Variants in ITPR1 observed in about 807,000 individuals in gnomAD.
The protein encoded by ITPR1 is inositol 1,4,5-trisphosphate-gated calcium channel ITPR1.
Under a neutral mutation model 318.4 loss-of-function variants are expected in ITPR1, and 96 were observed. That is an observed-to-expected ratio of 0.30 (90% confidence interval 0.26 to 0.36). ITPR1 has a LOEUF of 0.36. Among genes scored for constraint, ITPR1 ranks in the 10% least tolerant of loss-of-function variants. The pLI, the probability that ITPR1 is intolerant of heterozygous loss-of-function variation, is 1.00. For synonymous variants in ITPR1, 1,312 were observed against 1,289.9 expected, an observed-to-expected ratio of 1.02 and a Z score of -0.37; for missense variants, 2,440 against 3,460.2, an observed-to-expected ratio of 0.71 and a Z score of 7.40.
At chr3:4,505,558 G>A (rs80305432) in intron 2 of ITPR1, among the ~76,000 whole-genome samples, 230 of 152,348 alleles carry the variant, frequency 1.5e-3, no homozygotes, top group African/African-American at 5.4e-3. Flanking sequence ...ACCAAAGGAC[G>A]TTGGCAAGGG....
intron 1 of ITPR1, among the ~76,000 whole-genome samples, chr3:4,494,117 A>C (rs898294317): frequency 2.0e-5 from 3 of 152,218 alleles, no homozygotes; most frequent in African/African-American, 7.2e-5. Flanking sequence ...CGGGCTTCGG[A>C]TACTTGGCCT....
intron 31 of ITPR1, 130 bp downstream of exon 31, chr3:4,688,750 A>G: frequency 2.3e-6 from 2 of 852,612 alleles, no homozygotes; most frequent in East Asian, 2.7e-5. Context: ...CCAAAGGGGA[A>G]CATTTTCATC....
chr3:4,593,553 C>T (rs1284275593), intron 4 of ITPR1, among the ~76,000 whole-genome samples: 3 of 152,128 alleles, frequency 2.0e-5, no homozygotes, highest in African/African-American at 7.2e-5. Flanking sequence ...TTAGAAGCCT[C>T]AAATTTGATT....
intron 26 of ITPR1, among the ~76,000 whole-genome samples, chr3:4,683,118 A>G (rs975467702): frequency 6.6e-6 from 1 of 152,238 alleles, no homozygotes; most frequent in Non-Finnish European, 1.5e-5. Flanking sequence ...CACCCTATGT[A>G]GATGTTGAGA....
In ITPR1 at chr3:4,766,532, CT is replaced by C; in HGVS notation, c.5548del (p.Ser1850ProfsTer6). 6.2e-7 allele frequency: 1 copy of C among 1,613,464 alleles called. No individual in the cohort carries two copies. Among genetic ancestry groups the C allele is most frequent in the Non-Finnish European group, 8.5e-7 (1 of 1,179,492 alleles). ...AATCTATGGATTTTCCTTTGCAGCA[CT>C]CCTTTTTCTGTCGCTTGACAGAAGA... Reference protein sequence around the residue: ...LEGGNTTIQHSFFCRLTEDKK... With the variant: ...LEGGNTTIQHXFFCRLTEDKK... On this transcript the variant is annotated frameshift_variant, in exon 45 of 62. Transcript: ENST00000649015. LOFTEE classifies it high-confidence loss of function.
chr3:4,603,390 C>T lies in ITPR1; in HGVS notation c.164-24373C>T, dbSNP rs140254008. 9.2e-3 allele frequency among the ~76,000 whole-genome samples: 1,390 copies of T among 151,742 alleles called. 15 individuals carry two copies. Among genetic ancestry groups the T allele is most frequent in the Middle Eastern group, 0.041 (12 of 294 alleles). ...GTTTTTCAGCCCTCACTCCCTGGTC[C>T]ATATGTACCACATTTTCTTTTCTTT... On this transcript the variant is annotated intron_variant, in intron 4 of 61. Transcript: ENST00000649015.
rs141851114 is a variant in ITPR1 at position 4,505,015 on chromosome 3, C to T, written c.-17+10509C>T. ...TCATGGTTTGCCAGGCTCGGCCCAT[C>T]GTTAACCTGCCCTGCTGGGTGCTGC... On this transcript the variant is annotated intron_variant, in intron 2 of 61. Transcript: ENST00000649015. 1.4e-4 allele frequency among the ~76,000 whole-genome samples: 21 copies of T among 151,274 alleles called. No individual in the cohort carries two copies. The East Asian group carries it at 3.1e-3, about 22-fold the overall frequency.
chr3:4,510,789 T>A (rs550428586), intron 2 of ITPR1, among the ~76,000 whole-genome samples: 1 of 152,272 alleles, frequency 6.6e-6, no homozygotes, highest in Admixed American at 6.5e-5. Context: ...TAACTTCATC[T>A]GAGGGGATGG....
chr3:4,828,491 G>C (rs1272963345), intron 60 of ITPR1, among the ~76,000 whole-genome samples: 1 of 152,102 alleles, frequency 6.6e-6, no homozygotes, highest in African/African-American at 2.4e-5. Context: ...CGGGTGGCCG[G>C]CCCCACCTTT....
intron 28 of ITPR1, among the ~76,000 whole-genome samples, 183 bp from the exon 29 acceptor site, chr3:4,684,098 A>G (rs2094348413): frequency 6.6e-6 from 1 of 152,248 alleles, no homozygotes; most frequent in Non-Finnish European, 1.5e-5. Context: ...GGCCCAGCCC[A>G]CTACTATCCC....
chr3:4,612,152 CTT>C (rs1266975444), intron 4 of ITPR1, among the ~76,000 whole-genome samples: 1 of 137,986 alleles, frequency 7.2e-6, no homozygotes, highest in Non-Finnish European at 1.5e-5. Context: ...AGCTCTGTCT[CTT>C]GTGTTCAAGC....
At chr3:4,596,698 T>C (rs996470168) in intron 4 of ITPR1, among the ~76,000 whole-genome samples, 5 of 152,362 alleles carry the variant, frequency 3.3e-5, no homozygotes. Context: ...TCTTAGCCTC[T>C]TGTGATCAGA....
intron 4 of ITPR1, among the ~76,000 whole-genome samples, chr3:4,610,192 T>C (rs2125097825): frequency 6.6e-6 from 1 of 152,222 alleles, no homozygotes; most frequent in East Asian, 1.9e-4. Flanking sequence ...AAAGCTCAAA[T>C]GAGAAACCTT....
At chr3:4,578,480 TTGTGTG>T (rs143203883) in intron 4 of ITPR1, among the ~76,000 whole-genome samples, 1 of 150,804 alleles carries the variant, frequency 6.6e-6, no homozygotes, top group Non-Finnish European at 1.5e-5. Flanking sequence ...AGAATTTTTA[TTGTGTG>T]TGTGTGTGTG....
chr3:4,539,361 A>G (rs1242666481), intron 4 of ITPR1, among the ~76,000 whole-genome samples: 3 of 152,152 alleles, frequency 2.0e-5, no homozygotes, highest in Non-Finnish European at 2.9e-5. Context: ...AATTTTATGC[A>G]TGTTCTACTG....
chr3:4,838,942 G>A (rs903022005), intron 61 of ITPR1, among the ~76,000 whole-genome samples: 8 of 152,206 alleles, frequency 5.3e-5, no homozygotes, highest in East Asian at 1.9e-4. Context: ...AATTGTTCAC[G>A]AAGAGTGATT....
chr3:4,695,141 T>C (rs2094538224), intron 33 of ITPR1, among the ~76,000 whole-genome samples: 1 of 152,196 alleles, frequency 6.6e-6, no homozygotes, highest in African/African-American at 2.4e-5. Flanking sequence ...TGGAACTAAT[T>C]TATGATGTAA....
intron 13 of ITPR1, among the ~76,000 whole-genome samples, chr3:4,659,324 T>C (rs1203259693): frequency 2.0e-5 from 3 of 152,240 alleles, no homozygotes; most frequent in African/African-American, 7.2e-5. Context: ...CATTTTTAAC[T>C]GAATAGTATG....
chr3:4,686,224 C>G (rs950499540), intron 30 of ITPR1, among the ~76,000 whole-genome samples: 15 of 152,160 alleles, frequency 9.9e-5, no homozygotes, highest in African/African-American at 3.4e-4. Context: ...GGCCTGCTGC[C>G]TTCCCTATGC....
Sources: gnomAD v4.1 joint callset for allele counts (sites outside exome capture counted in the v4.1 genomes callset) on GRCh38, gnomAD v4.1.1 for gene constraint, MANE v1.5 for transcripts, NCBI Gene and HGNC (gene_info 2026-07-23, HGNC 2026-07-21) for gene names.